STXBP6: variants seen among roughly 807,000 people sequenced by gnomAD.
STXBP6 encodes the protein syntaxin binding protein 6.
Under a neutral mutation model 26.9 loss-of-function variants are expected in STXBP6, and 21 were observed. That is an observed-to-expected ratio of 0.78 (90% confidence interval 0.55 to 1.12). The LOEUF (loss-of-function observed/expected upper bound fraction) is 1.12. Ranked by LOEUF, STXBP6 falls within the 50% of genes most tolerant of loss-of-function variation. The pLI is 0.00. For missense variants in STXBP6, 232 were observed against 257.9 expected (o/e 0.90, Z 0.69); for synonymous variants, 97 against 92.6 (o/e 1.05, Z -0.27).
At chr14:24,946,617 G>T (rs1047712251) in intron 2 of STXBP6, among the ~76,000 whole-genome samples, 1 of 152,158 alleles carries the variant, frequency 6.6e-6, no homozygotes, top group Admixed American at 6.5e-5. Context: ...AATCAAGTAC[G>T]GAGGGTCTCA....
intron 2 of STXBP6, among the ~76,000 whole-genome samples, chr14:24,969,210 C>T (rs2073829250): frequency 6.6e-6 from 1 of 152,216 alleles, no homozygotes; most frequent in African/African-American, 2.4e-5. Flanking sequence ...TTAAGATTTT[C>T]TGTTTCAACA....
chr14:24,926,553 C>G (rs570964531), intron 2 of STXBP6, among the ~76,000 whole-genome samples: 1 of 152,138 alleles, frequency 6.6e-6, no homozygotes, highest in African/African-American at 2.4e-5. Context: ...CATTAGTACA[C>G]TAGTATCATT....
At chr14:24,866,371 T>C (rs2069721809) in intron 2 of STXBP6, among the ~76,000 whole-genome samples, 1 of 152,128 alleles carries the variant, frequency 6.6e-6, no homozygotes. Flanking sequence ...GGTGTATATA[T>C]ATGTGCATGG....
intron 2 of STXBP6, among the ~76,000 whole-genome samples, chr14:24,861,155 C>T (rs1048197677): frequency 6.6e-6 from 1 of 152,124 alleles, no homozygotes; most frequent in Non-Finnish European, 1.5e-5. Context: ...AGATGCCTTA[C>T]ACTTTCATCA....
At chr14:24,947,630 T>A (rs976864484) in intron 2 of STXBP6, among the ~76,000 whole-genome samples, 3 of 152,118 alleles carry the variant, frequency 2.0e-5, no homozygotes, top group African/African-American at 7.2e-5. Flanking sequence ...TCTTCACACA[T>A]GGGGAAAACT....
intron 2 of STXBP6, among the ~76,000 whole-genome samples, chr14:24,955,548 T>C (rs1252668151): frequency 2.0e-5 from 3 of 152,188 alleles, no homozygotes; most frequent in South Asian, 2.1e-4. Flanking sequence ...CTAGGCATGA[T>C]TGCAGGGTGA....
chr14:24,915,098 A>G (rs547678045), intron 2 of STXBP6, among the ~76,000 whole-genome samples: 1 of 152,270 alleles, frequency 6.6e-6, no homozygotes, highest in East Asian at 1.9e-4. Context: ...ACAAAAATAC[A>G]CAATTGCATT....
At chr14:24,830,444 A>G (rs1253085016) in intron 4 of STXBP6, among the ~76,000 whole-genome samples, 1 of 152,162 alleles carries the variant, frequency 6.6e-6, no homozygotes, top group African/African-American at 2.4e-5. Flanking sequence ...TGGACTGAAT[A>G]TGAGAGGTGA....
chr14:24,970,957 C>T (rs991683715), intron 2 of STXBP6, among the ~76,000 whole-genome samples: 1 of 152,194 alleles, frequency 6.6e-6, no homozygotes, highest in Admixed American at 6.5e-5. Flanking sequence ...CATCTCAGTA[C>T]ATAAGCACTT....
chr14:24,963,843 G>A (rs137923850), intron 2 of STXBP6, among the ~76,000 whole-genome samples: 174 of 152,078 alleles, frequency 1.1e-3, no homozygotes, highest in African/African-American at 4.0e-3. Context: ...AGAGAAATGT[G>A]CATTTTCTTA....
rs2067857513 is a variant in STXBP6, at chr14:24,812,726, T to C, written c.616A>G (p.Met206Val). 1.2e-5 allele frequency: 19 copies of C among 1,613,686 alleles called. No individual in the cohort carries two copies. Among genetic ancestry groups the C allele is most frequent in the Non-Finnish European group, 1.5e-5 (18 of 1,179,764 alleles). ...QFAETAHKLA[M>V]KHKC ...GCAGTTTCTCAACATTTGTGCTTCA[T>C]GGCAAGCTAAGGAGAGAGAGGAATG... is the stretch of plus-strand genomic sequence containing the variant. Residue 206 changes from methionine (M) to valine (V), a missense_variant, in exon 6 of 6, where the codon ATG becomes GTG. Transcript: ENST00000323944.
chr14:24,923,868 T>C (rs2072069546), intron 2 of STXBP6, among the ~76,000 whole-genome samples: 1 of 152,196 alleles, frequency 6.6e-6, no homozygotes, highest in African/African-American at 2.4e-5. Context: ...CATGGCAGTC[T>C]TTTCACTTTG....
intron 1 of STXBP6, among the ~76,000 whole-genome samples, chr14:24,982,153 G>T (rs970846479): frequency 1.3e-5 from 2 of 152,086 alleles, no homozygotes; most frequent in Admixed American, 1.3e-4. Context: ...CGGTTTTAAG[G>T]CACATTCTTT....
Position 24,990,103 on chromosome 14 carries a change from T to C in STXBP6, c.-32-15253A>G, listed in dbSNP as rs192343644. Reference sequence around the variant, plus strand: ...GAAAGGTTAAGTGAATATGTGGTTTTACCTATAAGGATTGGCTTACATTGG... The same window carrying C: ...GAAAGGTTAAGTGAATATGTGGTTTCACCTATAAGGATTGGCTTACATTGG... On this transcript the variant is annotated intron_variant, in intron 1 of 5. Coordinates refer to ENST00000323944, the MANE Select transcript of STXBP6 (RefSeq NM_001394410.1). 2.0e-5 allele frequency among the ~76,000 whole-genome samples: 3 copies of C among 152,336 alleles called. No individual in the cohort carries two copies. In the East Asian group the frequency reaches 5.8e-4, roughly 29 times the overall value.
intron 4 of STXBP6, among the ~76,000 whole-genome samples, chr14:24,852,332 A>G (rs570077915): frequency 6.6e-6 from 1 of 152,266 alleles, no homozygotes; most frequent in East Asian, 1.9e-4. Flanking sequence ...TTCTGCTAAA[A>G]TTCCCCAGGC....
chr14:24,857,164 A>G lies in STXBP6; in HGVS notation c.155-7T>C. The G allele has an allele frequency of 6.2e-7, 1 of 1,612,612 alleles. No individual in the cohort carries two copies. Among genetic ancestry groups the G allele is most frequent in the Non-Finnish European group, 8.5e-7 (1 of 1,178,980 alleles). ...GTGGGTTTCTTGTTTGTCACTGCCA[A>G]GAAAAGATCACTCAGATTAGTGCAC... On this transcript the variant is annotated splice_polypyrimidine_tract_variant and splice_region_variant and intron_variant, in intron 2 of 5. Transcript: ENST00000323944.
intron 2 of STXBP6, 26 bp downstream of exon 2, chr14:24,974,639 T>C: frequency 6.6e-7 from 1 of 1,522,944 alleles, no homozygotes; most frequent in Non-Finnish European, 8.8e-7. Context: ...GTTATTTTAA[T>C]AATATTAATA....
chr14:25,038,151 G>C (rs77860416), intron 1 of STXBP6, among the ~76,000 whole-genome samples: 1 of 152,042 alleles, frequency 6.6e-6, no homozygotes, highest in African/African-American at 2.4e-5. Context: ...GGTGATAAGC[G>C]AAAGACAAGC....
At chr14:24,938,413 C>T (rs778553512) in intron 2 of STXBP6, among the ~76,000 whole-genome samples, 1 of 152,104 alleles carries the variant, frequency 6.6e-6, no homozygotes, top group Non-Finnish European at 1.5e-5. Context: ...ATGCTTCATA[C>T]TTTATCCCTG....
Sources: gnomAD v4.1 joint callset for allele counts (sites outside exome capture counted in the v4.1 genomes callset) on GRCh38, gnomAD v4.1.1 for gene constraint, MANE v1.5 for transcripts, NCBI Gene and HGNC (gene_info 2026-07-23, HGNC 2026-07-21) for gene names.